HKDC1: variants seen among roughly 807,000 people sequenced by gnomAD.
HKDC1 encodes hexokinase domain containing 1, also known as hexokinase HKDC1.
Under a neutral mutation model 96.6 loss-of-function variants are expected in HKDC1, and 66 were observed. The ratio of observed to expected loss-of-function variants is 0.68; its 90% confidence interval spans 0.56 to 0.84. The LOEUF (loss-of-function observed/expected upper bound fraction) is 0.84. Ranked by LOEUF, HKDC1 falls within the 40% of genes least tolerant of loss-of-function variation. The pLI, the probability that HKDC1 is intolerant of heterozygous loss-of-function variation, is 0.00. For synonymous variants in HKDC1, 466 were observed against 473.1 expected (o/e 0.98, Z 0.20); for missense variants, 1,211 against 1,208.1 (o/e 1.00, Z -0.04).
chr10:69,231,318 A>G (rs1843256511), intron 2 of HKDC1, among the ~76,000 whole-genome samples: 1 of 152,192 alleles, frequency 6.6e-6, no homozygotes, highest in Non-Finnish European at 1.5e-5. Flanking sequence ...CCTTCCAGAT[A>G]AAGCCCAAGC....
intron 7 of HKDC1, among the ~76,000 whole-genome samples, chr10:69,244,836 T>G (rs1211903986): frequency 6.6e-6 from 1 of 151,798 alleles, no homozygotes; most frequent in Non-Finnish European, 1.5e-5. Context: ...AAAAAATATA[T>G]ATATATATTA....
chr10:69,220,810 G>A (rs1454552172), intron 1 of HKDC1, among the ~76,000 whole-genome samples: 1 of 152,180 alleles, frequency 6.6e-6, no homozygotes, highest in Non-Finnish European at 1.5e-5. Flanking sequence ...TGCTCGGAAA[G>A]GCCACAAAGG....
rs1230365299 is a variant in HKDC1, at chr10:69,240,638, C to T, written c.592-14C>T. ...TTCCCACCCGCTGATTCCCTCTGGC[C>T]TTGTGTTCGGCAGGACATGGACGTG... On this transcript the variant is annotated splice_polypyrimidine_tract_variant and intron_variant, in intron 5 of 17. Transcript: ENST00000354624. 6.2e-7 allele frequency: 1 copy of T among 1,610,772 alleles called. No individual in the cohort carries two copies. The highest frequency in any genetic ancestry group is 1.7e-5 in the Admixed American group (1 of 59,976).
At chr10:69,265,845 G>A in intron 17 of HKDC1, 27 bp downstream of exon 17, 1 of 1,535,506 alleles carries the variant, frequency 6.5e-7, no homozygotes, top group Non-Finnish European at 9.0e-7. Context: ...GGCGTGGCGG[G>A]TGGGGCTGGG....
At chr10:69,223,073 G>A (rs1288462397) in intron 1 of HKDC1, 1 of 151,884 alleles carries the variant, frequency 6.6e-6, no homozygotes, top group East Asian at 1.9e-4. Context: ...TGAAAAAAAC[G>A]AAAATAGAAA....
chr10:69,257,469 C>G, intron 14 of HKDC1, 43 bp downstream of exon 14: 1 of 1,394,190 alleles, frequency 7.2e-7, no homozygotes. Flanking sequence ...CCCACTGTAT[C>G]CATTGATGGT....
chr10:69,266,444 A>G (rs1313030349), intron 17 of HKDC1, among the ~76,000 whole-genome samples, 166 bp from the exon 18 acceptor site: 1 of 145,258 alleles, frequency 6.9e-6, no homozygotes, highest in African/African-American at 2.6e-5. Flanking sequence ...CACCCTGGGC[A>G]ACAGAGTGAG....
At chr10:69,235,010 C>G (rs755344650) in intron 4 of HKDC1, among the ~76,000 whole-genome samples, 6 of 152,194 alleles carry the variant, frequency 3.9e-5, no homozygotes, top group African/African-American at 7.2e-5. Flanking sequence ...TGCCTATAAT[C>G]CCAGCACCCT....
At position 69,257,397 on chromosome 10, in the gene HKDC1, A is replaced by T; in HGVS notation, c.2003A>T (p.Asp668Val). Residue 668 changes from aspartate to valine, a missense_variant, in exon 14 of 18, where the codon GAT (aspartate) becomes GTT (valine). Transcript: ENST00000354624. ...VGTMMTCGYE[D>V]PNCEIGLIAG... ...ACCATGATGACCTGTGGCTATGAAG[A>T]TCCTAATTGTGAGATTGGCCTGATT... 6.2e-7 allele frequency: 1 copy of T among 1,613,834 alleles called. No individual in the cohort carries two copies. The highest frequency in any genetic ancestry group is 8.5e-7 in the Non-Finnish European group (1 of 1,179,744).
At chr10:69,266,341 C>T (rs1169108288) in intron 17 of HKDC1, among the ~76,000 whole-genome samples, 2 of 151,950 alleles carry the variant, frequency 1.3e-5, no homozygotes, top group Non-Finnish European at 2.9e-5. Context: ...ATAGTGCATA[C>T]CTGTGGTCCC....
At chr10:69,238,953 G>T in intron 4 of HKDC1, 89 bp from the exon 5 acceptor site, 1 of 817,088 alleles carries the variant, frequency 1.2e-6, no homozygotes, top group Non-Finnish European at 2.0e-6. Flanking sequence ...GAAGGCCATG[G>T]GGGATGCACG....
intron 4 of HKDC1, among the ~76,000 whole-genome samples, chr10:69,233,655 T>C (rs1408258070): frequency 6.7e-6 from 1 of 148,810 alleles, no homozygotes; most frequent in South Asian, 2.1e-4. Context: ...TCCCAGCACT[T>C]TGGGAGGCCG....
intron 4 of HKDC1, 64 bp from the exon 5 acceptor site, chr10:69,238,978 C>G: frequency 8.4e-7 from 1 of 1,184,936 alleles, no homozygotes; most frequent in Middle Eastern, 1.9e-4. Context: ...CATGAAGTTT[C>G]TGCGGCTCAG....
chr10:69,229,905 G>T (rs957353329), intron 2 of HKDC1, among the ~76,000 whole-genome samples: 2 of 152,164 alleles, frequency 1.3e-5, no homozygotes, highest in Non-Finnish European at 2.9e-5. Flanking sequence ...TGTGGATGGC[G>T]TGCTTTAACA....
chr10:69,239,133 A>G lies in HKDC1; in HGVS notation c.587A>G (p.His196Arg), dbSNP rs1843412073. 1.2e-6 allele frequency: 2 copies of G among 1,613,104 alleles called. No individual in the cohort carries two copies. Among genetic ancestry groups the G allele is most frequent in the Non-Finnish European group, 1.7e-6 (2 of 1,179,142 alleles). The change falls in exon 5 of 18, where the codon CAC (histidine) becomes CGC (arginine). Residue 196 changes from histidine to arginine, a missense_variant. His to Arg is a conservative substitution (Grantham distance 29). Coordinates refer to ENST00000354624, the MANE Select transcript of HKDC1 (RefSeq NM_025130.4). ...CGTCTGACCAAAGCCATGAGAAGAC[A>G]CAAGGTGAGGAATTCACCTCGGTGT... ...VSRLTKAMRR[H>R]KDMDVDILAL...
chr10:69,240,886 A>G (rs867796113), intron 6 of HKDC1, 135 bp downstream of exon 6: 1 of 619,132 alleles, frequency 1.6e-6, no homozygotes, highest in African/African-American at 1.8e-5. Context: ...GACATGAAAA[A>G]TTCATTCATT....
chr10:69,232,728 CCT>C (rs1843286359), intron 2 of HKDC1, 34 bp from the exon 3 acceptor site: 1 of 1,601,154 alleles, frequency 6.2e-7, no homozygotes. Context: ...TGTAGTAGAC[CCT>C]CAATAAATGG....
chr10:69,243,463 C>T, intron 7 of HKDC1, 98 bp downstream of exon 7: 1 of 949,424 alleles, frequency 1.1e-6, no homozygotes, highest in Non-Finnish European at 1.5e-6. Flanking sequence ...TTGTGACTAG[C>T]TATCCATCAC....
chr10:69,247,924 C>T (rs1843567968), intron 9 of HKDC1, among the ~76,000 whole-genome samples: 1 of 152,186 alleles, frequency 6.6e-6, no homozygotes, highest in African/African-American at 2.4e-5. Flanking sequence ...TGAACACCTA[C>T]TATGTGGTTA....
Sources: gnomAD v4.1 joint callset for allele counts (sites outside exome capture counted in the v4.1 genomes callset) on GRCh38, gnomAD v4.1.1 for gene constraint, MANE v1.5 for transcripts, NCBI Gene and HGNC (gene_info 2026-07-23, HGNC 2026-07-21) for gene names.